FRMPD4: variants seen among roughly 807,000 people sequenced by gnomAD.
The protein encoded by FRMPD4 is FERM and PDZ domain-containing protein 4.
In FRMPD4, 22 loss-of-function variants were observed where a neutral mutation model predicts 94.1. The ratio of observed to expected loss-of-function variants is 0.23; its 90% CI spans 0.17 to 0.33. FRMPD4 has a LOEUF of 0.33. FRMPD4 is among the 10% of genes least tolerant of loss of function. FRMPD4 has a pLI of 1.00. For missense variants in FRMPD4, 1,111 were observed against 1,339.9 expected, an observed-to-expected ratio of 0.83 and a Z score of 2.67; for synonymous variants, 631 against 548.6, an observed-to-expected ratio of 1.15 and a Z score of -2.10.
Position 11,866,939 on chromosome X carries a change from A to G in FRMPD4, c.-30+1723A>G, listed in dbSNP as rs569872187. On this transcript the variant is annotated intron_variant, in intron 2 of 18. Transcript: ENST00000640291. ...ATTTCAGATAGTCTCCTTAATTTCA[A>G]TTTTTGGCTGATTTCTCTTTGGATC... Among the ~76,000 whole-genome samples the G allele has an allele frequency of 6.3e-5, 7 of 111,260 alleles. No individual in the cohort carries two copies. The South Asian group carries it at 2.3e-3, about 36-fold the overall frequency.
intron 1 of FRMPD4, among the ~76,000 whole-genome samples, chrX:12,170,012 T>G (rs187582569): frequency 9.0e-6 from 1 of 111,713 alleles, no homozygotes; most frequent in Non-Finnish European, 1.9e-5. Context: ...AAATCTGAAA[T>G]CAGAACCATA....
intron 1 of FRMPD4, among the ~76,000 whole-genome samples, chrX:12,185,220 A>G (rs1052074142): frequency 1.8e-5 from 2 of 112,005 alleles, no homozygotes; most frequent in African/African-American, 6.5e-5. Context: ...ATAACCAAAT[A>G]TACGTGAAGA....
chrX:12,717,001 T>C lies in FRMPD4; in HGVS notation c.2542T>C (p.Ser848Pro). ...SSLQNDEIPV[S>P]LIDAVPTSAE... ...CCTGCAAAATGATGAGATCCCCGTG[T>C]CCCTCATTGACGCTGTGCCCACCAG... Residue 848 changes from serine to proline, a missense_variant, in exon 15 of 17, where the codon TCC becomes CCC. By Grantham distance (74) the Ser-to-Pro change is moderately conservative (BLOSUM62 -1). Around this residue, in one of 8 missense-constraint regions of FRMPD4, gnomAD observed 74 missense variants for 93.9 expected, o/e 0.79. Coordinates refer to ENST00000675598, the MANE Select transcript of FRMPD4 (RefSeq NM_001368397.1). 3.3e-6 allele frequency: 4 copies of C among 1,209,194 alleles called. No homozygotes were observed. The highest frequency in any genetic ancestry group is 4.5e-6 in the Non-Finnish European group (4 of 892,945).
chrX:12,565,376 C>T (rs1050562855), intron 2 of FRMPD4, among the ~76,000 whole-genome samples: 4 of 111,567 alleles, frequency 3.6e-5, no homozygotes, highest in African/African-American at 1.3e-4. Context: ...AGCTGGCAAG[C>T]ACTACCTTAG....
intron 3 of FRMPD4, among the ~76,000 whole-genome samples, chrX:11,988,263 G>C (rs1187225968): frequency 1.8e-5 from 2 of 111,665 alleles, no homozygotes; most frequent in Non-Finnish European, 3.8e-5. Flanking sequence ...GAACAGAAGA[G>C]AGAACCCAGA....
At chrX:12,639,294 T>G (rs2059471806) in intron 4 of FRMPD4, among the ~76,000 whole-genome samples, 1 of 112,479 alleles carries the variant, frequency 8.9e-6, no homozygotes, top group Non-Finnish European at 1.9e-5. Flanking sequence ...TATTTATAAA[T>G]ATTCAATATC....
intron 3 of FRMPD4, among the ~76,000 whole-genome samples, chrX:11,925,719 C>T (rs779534572): frequency 8.9e-5 from 10 of 111,803 alleles, no homozygotes; most frequent in African/African-American, 1.3e-4. Context: ...AAAAAAGATA[C>T]AACATACCAG....
At chrX:11,948,273 A>T (rs1413198004) in intron 3 of FRMPD4, among the ~76,000 whole-genome samples, 1 of 110,535 alleles carries the variant, frequency 9.0e-6, no homozygotes, top group African/African-American at 3.3e-5. Flanking sequence ...TGATGCTATT[A>T]AGAGGTGAGG....
At chrX:12,376,339 T>G (rs186576133) in intron 1 of FRMPD4, among the ~76,000 whole-genome samples, 46 of 112,076 alleles carry the variant, frequency 4.1e-4, no homozygotes, top group African/African-American at 1.5e-3. Flanking sequence ...GCCTGAAAAT[T>G]TTCCCTCCTA....
intron 3 of FRMPD4, among the ~76,000 whole-genome samples, chrX:12,086,215 T>C (rs2055109433): frequency 9.0e-6 from 1 of 111,446 alleles, no homozygotes; most frequent in Admixed American, 9.6e-5. Flanking sequence ...TTAAATGTTA[T>C]AGAAATGCTG....
chrX:12,519,061 G>A (rs775001817), intron 2 of FRMPD4, among the ~76,000 whole-genome samples: 2 of 112,281 alleles, frequency 1.8e-5, no homozygotes, highest in Non-Finnish European at 3.8e-5. Context: ...AAAAATAAAT[G>A]GAAAGACATT....
At chrX:12,164,676 T>C (rs1338432238) in intron 1 of FRMPD4, among the ~76,000 whole-genome samples, 1 of 112,230 alleles carries the variant, frequency 8.9e-6, no homozygotes, top group African/African-American at 3.2e-5. Flanking sequence ...AGTGTAAAAG[T>C]GTTCCTATTT....
At chrX:12,512,271 C>A (rs1262635653) in intron 2 of FRMPD4, among the ~76,000 whole-genome samples, 1 of 112,265 alleles carries the variant, frequency 8.9e-6, no homozygotes, top group Non-Finnish European at 1.9e-5. Flanking sequence ...AGGTTTATTA[C>A]ACAGGTAAAC....
intron 1 of FRMPD4, among the ~76,000 whole-genome samples, chrX:12,478,926 T>C (rs2057637776): frequency 8.9e-6 from 1 of 111,834 alleles, no homozygotes; most frequent in Non-Finnish European, 1.9e-5. Flanking sequence ...CTCAACTAGC[T>C]TGGCCACATA....
At chrX:12,026,176 G>A (rs1054122076) in intron 3 of FRMPD4, among the ~76,000 whole-genome samples, 16 of 111,363 alleles carry the variant, frequency 1.4e-4, no homozygotes, top group Admixed American at 9.5e-5. Flanking sequence ...ACTAGGCCAA[G>A]CCACCATCAT....
At chrX:11,920,753 C>T (rs185522031) in intron 3 of FRMPD4, among the ~76,000 whole-genome samples, 2 of 111,940 alleles carry the variant, frequency 1.8e-5, no homozygotes, top group East Asian at 5.7e-4. Flanking sequence ...ACGATGAGAT[C>T]AGATTCCAAG....
intron 1 of FRMPD4, among the ~76,000 whole-genome samples, chrX:12,280,755 T>A (rs2054512172): frequency 9.0e-6 from 1 of 111,007 alleles, no homozygotes; most frequent in Admixed American, 9.6e-5. Flanking sequence ...AAACTACACA[T>A]CTCTCTGTTT....
intron 1 of FRMPD4, among the ~76,000 whole-genome samples, chrX:12,293,891 G>C (rs893055350): frequency 1.8e-5 from 2 of 112,138 alleles, no homozygotes; most frequent in Non-Finnish European, 3.8e-5. Context: ...TAATAGCGTA[G>C]CCCTTAAAGC....
chrX:12,396,631 A>C (rs2056545446), intron 1 of FRMPD4, among the ~76,000 whole-genome samples: 1 of 112,108 alleles, frequency 8.9e-6, no homozygotes, highest in Non-Finnish European at 1.9e-5. Context: ...TGGATCAAAA[A>C]CTTATAAACA....
Sources: gnomAD v4.1 joint callset for allele counts (sites outside exome capture counted in the v4.1 genomes callset) on GRCh38, gnomAD v4.1.1 for gene constraint, gnomAD v4.1.1 regional missense constraint, MANE v1.5 for transcripts, NCBI Gene and HGNC (gene_info 2026-07-23, HGNC 2026-07-21) for gene names.